The following UBASH3B variants were observed in gnomAD, a reference collection of about 807,000 sequenced individuals.
UBASH3B encodes ubiquitin associated and SH3 domain containing B.
Under a neutral mutation model 83.4 loss-of-function variants are expected in UBASH3B, and 37 were observed. The observed-to-expected ratio is 0.44, with a 90% confidence interval of 0.34 to 0.58. The LOEUF (loss-of-function observed/expected upper bound fraction) is 0.58. UBASH3B is among the 20% of genes least tolerant of loss of function. The pLI is 0.01. For synonymous variants in UBASH3B, 304 were observed against 318.3 expected (o/e 0.96, Z 0.48); for missense variants, 657 against 827.2 (o/e 0.79, Z 2.52).
At chr11:122,785,335 C>T (rs7937384) in intron 5 of UBASH3B, among the ~76,000 whole-genome samples, 12,050 of 152,216 alleles carry the variant, frequency 0.079, 1,262 homozygotes, top group African/African-American at 0.23. Flanking sequence ...CGTCTGCACA[C>T]GTAACCCTCT....
chr11:122,659,916 G>A (rs993532610), intron 1 of UBASH3B, among the ~76,000 whole-genome samples: 25 of 152,174 alleles, frequency 1.6e-4, no homozygotes, highest in Non-Finnish European at 5.9e-5. Context: ...GCTCTTGGTG[G>A]GCTGGCAGAG....
In UBASH3B at chr11:122,759,823, C is replaced by T. The variant is rs529703822; in HGVS notation, c.162-16396C>T. On this transcript the variant is annotated intron_variant, in intron 1 of 13. Coordinates refer to ENST00000284273, the MANE Select transcript of UBASH3B (RefSeq NM_032873.5). This position sits in a 1 kb window ranked among gnomAD's most constrained non-coding sequence, Gnocchi z 4.1. ...CTCCTAACAGGCCACGTACCAGTAC[C>T]CATCTGTGGCTCAGGGGTTGGAGAC... is the stretch of plus-strand genomic sequence containing the variant. Among the ~76,000 whole-genome samples the T allele has an allele frequency of 3.3e-5, 5 of 152,330 alleles. No individual in the cohort carries two copies. Among genetic ancestry groups the T allele is most frequent in the Non-Finnish European group, 5.9e-5 (4 of 68,028 alleles).
chr11:122,779,413 T>C, intron 3 of UBASH3B, 84 bp from the exon 4 acceptor site: 1 of 1,483,922 alleles, frequency 6.7e-7, no homozygotes. Context: ...CTCCAGTCTC[T>C]GGGGAGAGGA....
chr11:122,658,178 G>GAA (rs1254190970), intron 1 of UBASH3B, among the ~76,000 whole-genome samples: 25,932 of 111,004 alleles, frequency 0.23, 2,981 homozygotes, highest in Non-Finnish European at 0.29. Flanking sequence ...TTCATCTCAA[G>GAA]AAAAAAAAAA....
chr11:122,674,322 T>G (rs571156154), intron 1 of UBASH3B, among the ~76,000 whole-genome samples: 1 of 152,164 alleles, frequency 6.6e-6, no homozygotes, highest in Admixed American at 6.5e-5. Context: ...GTAAATACCA[T>G]TCAGTCATCT....
intron 11 of UBASH3B, among the ~76,000 whole-genome samples, chr11:122,803,351 G>A (rs1024173331): frequency 6.6e-6 from 1 of 152,220 alleles, no homozygotes; most frequent in Non-Finnish European, 1.5e-5. Context: ...TGTGGTGACA[G>A]GCAGAAAGGG....
intron 1 of UBASH3B, among the ~76,000 whole-genome samples, chr11:122,729,447 T>C (rs746621041): frequency 6.0e-4 from 92 of 152,174 alleles, no homozygotes; most frequent in Non-Finnish European, 1.1e-3. Context: ...AAAGACATTT[T>C]TGAGACCATC....
At chr11:122,682,645 T>C (rs993222963) in intron 1 of UBASH3B, among the ~76,000 whole-genome samples, 1 of 152,184 alleles carries the variant, frequency 6.6e-6, no homozygotes, top group East Asian at 1.9e-4. Flanking sequence ...AGCTCTCCTC[T>C]CATTCTCTCC....
At chr11:122,807,506 G>C (rs940732169) in intron 12 of UBASH3B, among the ~76,000 whole-genome samples, 13 of 152,254 alleles carry the variant, frequency 8.5e-5, no homozygotes, top group Middle Eastern at 3.4e-3. Flanking sequence ...ATGGGATCTT[G>C]TCGGTATGTA....
In UBASH3B at chr11:122,761,620, C is replaced by T. The variant is rs185549402; in HGVS notation, c.162-14599C>T. ...CTCCTATGTAGCTTTGGGCTGAAAC[C>T]GTTTCAGAAGGACTAAAAATTACCC... On this transcript the variant is annotated intron_variant, in intron 1 of 13. Coordinates refer to ENST00000284273, the MANE Select transcript of UBASH3B (RefSeq NM_032873.5). 2.7e-3 allele frequency among the ~76,000 whole-genome samples: 417 copies of T among 152,062 alleles called. 1 individual carries two copies. The highest frequency in any genetic ancestry group is 9.2e-3 in the African/African-American group (381 of 41,464).
At chr11:122,786,891 G>A (rs145437818) in intron 5 of UBASH3B, among the ~76,000 whole-genome samples, 1,645 of 152,236 alleles carry the variant, frequency 0.011, 15 homozygotes, top group Admixed American at 0.019. Flanking sequence ...GCTACTTATT[G>A]TCCAGCTTCC....
chr11:122,744,873 C>CTGTGTGTGTGTGTGTGTGTGTGTGTG lies in UBASH3B; in HGVS notation c.162-31345_162-31320dup, dbSNP rs544992534. 3.0e-3 allele frequency among the ~76,000 whole-genome samples: 423 copies of CTGTGTGTGTGTGTGTGTGTGTGTGTG among 139,408 alleles called. 1 individual carries two copies. Among genetic ancestry groups the CTGTGTGTGTGTGTGTGTGTGTGTGTG allele is most frequent in the South Asian group, 5.1e-3 (22 of 4,298 alleles). 91.5% of individuals were successfully genotyped at this position (139,408 alleles called of 152,430 possible). A position where few individuals can be genotyped will look rare whatever the true frequency, so the allele number is the denominator to read the frequency against. ...GTTGAGTATGATCACATGTGTGACTCTGTGTGTGTGTGTGTGTGTGTGTGT... is the reference window on the plus strand; with the variant it reads ...GTTGAGTATGATCACATGTGTGACTCTGTGTGTGTGTGTGTGTGTGTGTGTGTGTGTGTGTGTGTGTGTGTGTGTGT... On this transcript the variant is annotated intron_variant, in intron 1 of 13. Coordinates refer to ENST00000284273, the MANE Select transcript of UBASH3B (RefSeq NM_032873.5).
intron 1 of UBASH3B, among the ~76,000 whole-genome samples, chr11:122,754,148 TGAG>T (rs1424148068): frequency 2.6e-5 from 4 of 152,180 alleles, no homozygotes; most frequent in Admixed American, 1.3e-4. Context: ...CAGTCAATAG[TGAG>T]GAGAACTCCA....
chr11:122,710,600 G>A (rs778147410), intron 1 of UBASH3B, among the ~76,000 whole-genome samples: 20 of 152,246 alleles, frequency 1.3e-4, no homozygotes, highest in African/African-American at 2.6e-4. Context: ...CTCCAGAAGC[G>A]TGTGATCTTG....
At chr11:122,693,741 C>T (rs1293501057) in intron 1 of UBASH3B, among the ~76,000 whole-genome samples, 5 of 152,122 alleles carry the variant, frequency 3.3e-5, no homozygotes, top group African/African-American at 1.2e-4. Context: ...GGCGTGGTGG[C>T]ACATGCCTGT....
chr11:122,714,337 G>T (rs751660218), intron 1 of UBASH3B, among the ~76,000 whole-genome samples: 4 of 152,188 alleles, frequency 2.6e-5, no homozygotes, highest in Non-Finnish European at 5.9e-5. Flanking sequence ...ACCTTACAAG[G>T]CCATTCAATT....
intron 1 of UBASH3B, among the ~76,000 whole-genome samples, chr11:122,662,432 C>CTT (rs1555130806): frequency 7.2e-6 from 1 of 138,660 alleles, no homozygotes; most frequent in African/African-American, 2.6e-5. Flanking sequence ...CTTTTCTTTT[C>CTT]TTTTTTTTTT....
chr11:122,672,406 G>A lies in UBASH3B; in HGVS notation c.161+16196G>A, dbSNP rs576629624. 2.0e-5 allele frequency among the ~76,000 whole-genome samples: 3 copies of A among 151,744 alleles called. No individual in the cohort carries two copies. In the East Asian group the frequency reaches 5.8e-4, roughly 29 times the overall value. ...ACAATCTTGGCTCACTGCAACCTTT[G>A]CCTCCCGGATTCAAGCGATTCTTCT... On this transcript the variant is annotated intron_variant, in intron 1 of 13. Transcript: ENST00000284273.
chr11:122,780,709 G>C (rs1005382656), intron 4 of UBASH3B, among the ~76,000 whole-genome samples: 2 of 152,204 alleles, frequency 1.3e-5, no homozygotes, highest in Non-Finnish European at 2.9e-5. Context: ...TGGAGGAAAG[G>C]CCTGCAGGCG....
Sources: allele counts gnomAD v4.1 joint callset (sites outside exome capture counted in the v4.1 genomes callset), GRCh38; gene constraint gnomAD v4.1.1; non-coding constraint Gnocchi (gnomAD v3.1); transcripts MANE v1.5; gene names NCBI Gene and HGNC (gene_info 2026-07-23, HGNC 2026-07-21).